RALGAPA2: variants seen among roughly 807,000 people sequenced by gnomAD.
RALGAPA2 encodes Ral GTPase activating protein catalytic subunit alpha 2, also known as ral GTPase-activating protein subunit alpha-2.
Under a neutral mutation model 230.4 loss-of-function variants are expected in RALGAPA2, and 139 were observed. The observed-to-expected ratio is 0.60, with a 90% CI of 0.53 to 0.69. The LOEUF is 0.69. Ranked by LOEUF, RALGAPA2 falls within the 30% of genes least tolerant of loss-of-function variation. The pLI, the probability that RALGAPA2 is intolerant of heterozygous loss-of-function variation, is 0.00. For synonymous variants in RALGAPA2, 847 were observed against 837.8 expected (o/e 1.01, Z -0.19); for missense variants, 2,163 against 2,276.0 (o/e 0.95, Z 1.01).
chr20:20,670,158 T>C (rs2068085855), intron 3 of RALGAPA2, among the ~76,000 whole-genome samples: 1 of 152,224 alleles, frequency 6.6e-6, no homozygotes, highest in South Asian at 2.1e-4. Context: ...TGCTCATTGT[T>C]GTATCTCCAG....
At chr20:20,599,238 T>C (rs914007301) in intron 16 of RALGAPA2, among the ~76,000 whole-genome samples, 1 of 152,216 alleles carries the variant, frequency 6.6e-6, no homozygotes, top group Non-Finnish European at 1.5e-5. Context: ...GAGCTGACTG[T>C]ATTCAAAAGC....
At chr20:20,583,313 A>T in intron 19 of RALGAPA2, 87 bp from the exon 20 acceptor site, 2 of 1,346,584 alleles carry the variant, frequency 1.5e-6, no homozygotes, top group Non-Finnish European at 2.0e-6. Context: ...GTAACTAAAC[A>T]AACAGCAGAC....
rs2123029533 is a variant in RALGAPA2, at chr20:20,437,588, CACACACACGATGTG to C, written c.5496-25454_5496-25441del. On this transcript the variant is annotated intron_variant, in intron 37 of 39. Coordinates refer to ENST00000202677, the MANE Select transcript of RALGAPA2 (RefSeq NM_020343.4). This position sits in a 1 kb window ranked among gnomAD's most constrained non-coding sequence, Gnocchi z 4.1. ...GTGGTGTGGAGCCCTTCCCACACTTCACACACACGATGTGTGTGTGCTGTGCCCTCTGCCTGGGA... is the reference window on the plus strand; with the variant it reads ...GTGGTGTGGAGCCCTTCCCACACTTCTGTGTGCTGTGCCCTCTGCCTGGGA... Among the ~76,000 whole-genome samples the C allele has an allele frequency of 6.6e-6, 1 of 152,304 alleles. No individual in the cohort carries two copies. Among genetic ancestry groups the C allele is most frequent in the South Asian group, 2.1e-4 (1 of 4,828 alleles).
intron 37 of RALGAPA2, 187 bp downstream of exon 37, chr20:20,472,642 T>A (rs2061565133): frequency 2.1e-6 from 1 of 479,340 alleles, no homozygotes; most frequent in Non-Finnish European, 3.4e-6. Context: ...TAATGCAGCA[T>A]AAAATTATTA....
intron 19 of RALGAPA2, among the ~76,000 whole-genome samples, chr20:20,583,690 G>T (rs962817789): frequency 6.6e-6 from 1 of 152,126 alleles, no homozygotes; most frequent in Admixed American, 6.6e-5. Flanking sequence ...CTCATTCAGG[G>T]TCATCTGGGG....
rs751460705 is a variant in RALGAPA2 at position 20,637,381 on chromosome 20, T to C, written c.787A>G (p.Ile263Val). The C allele has an allele frequency of 7.5e-6, 12 of 1,600,686 alleles. No individual in the cohort carries two copies. The highest frequency in any genetic ancestry group is 2.7e-5 in the African/African-American group (2 of 74,672). ...TACTTACCAAGTACAGGTTTGTAGA[T>C]GTTTGTTAACTTAGTAAATGATGGA... is the stretch of plus-strand genomic sequence containing the variant. The part of the protein sequence containing the change: ...LFPSFTKLTN[I>V]YKPVLDIPHL... The change falls in exon 8 of 40, where the codon ATC (isoleucine) becomes GTC (valine). Residue 263 changes from isoleucine to valine, a missense_variant. By Grantham distance (29) the Ile-to-Val change is conservative. Transcript: ENST00000202677.
chr20:20,642,229 G>A (rs1244149805), intron 5 of RALGAPA2, among the ~76,000 whole-genome samples: 2 of 151,582 alleles, frequency 1.3e-5, no homozygotes, highest in Non-Finnish European at 2.9e-5. Context: ...CAGGGGTCGG[G>A]GGATGGAGTT....
chr20:20,525,590 A>G (rs1281634811), intron 28 of RALGAPA2, among the ~76,000 whole-genome samples: 1 of 152,208 alleles, frequency 6.6e-6, no homozygotes. Flanking sequence ...TTACCACTGG[A>G]TGTATAAGAA....
At chr20:20,562,504 G>A (rs2064288259) in intron 23 of RALGAPA2, among the ~76,000 whole-genome samples, 1 of 152,116 alleles carries the variant, frequency 6.6e-6, no homozygotes. Context: ...TGTCTTATTA[G>A]ATACCGGAAG....
chr20:20,706,685 CAT>C (rs1415614436), intron 1 of RALGAPA2, among the ~76,000 whole-genome samples: 1 of 152,166 alleles, frequency 6.6e-6, no homozygotes, highest in Non-Finnish European at 1.5e-5. Context: ...TTCTGGGAGG[CAT>C]GCAAAAACTG....
In RALGAPA2 at chr20:20,643,811, C is replaced by T. The variant is rs1240681642; in HGVS notation, c.329-262G>A. Among the ~76,000 whole-genome samples, 4 of 151,500 alleles carry T rather than the reference C, an allele frequency of 2.6e-5. No homozygotes were observed. In the South Asian group the frequency reaches 8.4e-4, roughly 32 times the overall value. ...AGCCAAATGCCCACAGTGGATTATGCGCATATATCTCTTGTCATGCATAAA... is the reference window on the plus strand; with the variant it reads ...AGCCAAATGCCCACAGTGGATTATGTGCATATATCTCTTGTCATGCATAAA... On this transcript the variant is annotated intron_variant, in intron 4 of 39. Coordinates refer to ENST00000202677, the MANE Select transcript of RALGAPA2 (RefSeq NM_020343.4).
rs749606653 is a variant in RALGAPA2 at position 20,513,302 on chromosome 20, G to A, written c.4085-18C>T. On this transcript the variant is annotated intron_variant, in intron 31 of 39. Coordinates refer to ENST00000202677, the MANE Select transcript of RALGAPA2 (RefSeq NM_020343.4). ...CTTCTTCTCTGTAAACAGCGGTAAA[G>A]AAACATAAAGAGTCAGTGGTGAATG... The A allele has an allele frequency of 1.3e-5, 17 of 1,351,932 alleles. No homozygotes were observed. The highest frequency in any genetic ancestry group is 1.2e-4 in the South Asian group (5 of 43,348). The allele number at this position is 1,351,932 out of a possible 1,614,324, so 83.7% of individuals were successfully genotyped here.
intron 1 of RALGAPA2, among the ~76,000 whole-genome samples, chr20:20,699,927 C>G (rs2069274974): frequency 6.6e-6 from 1 of 152,094 alleles, no homozygotes. Flanking sequence ...AACAGAGTTA[C>G]CATTTGACCC....
chr20:20,531,654 T>G lies in RALGAPA2; in HGVS notation c.3582+33A>C, dbSNP rs772171195. 7 of 1,491,450 alleles carry G rather than the reference T, an allele frequency of 4.7e-6. No homozygotes were observed. In the South Asian group the frequency reaches 8.3e-5, roughly 18 times the overall value. 92.4% of individuals were successfully genotyped at this position (1,491,450 alleles called of 1,614,324 possible). ...ACTGTTAAATGCCTCAGATATGGCT[T>G]AATATCCAATCAGCACCACAAACTG... On this transcript the variant is annotated intron_variant, in intron 27 of 39. Coordinates refer to ENST00000202677, the MANE Select transcript of RALGAPA2 (RefSeq NM_020343.4).
At chr20:20,583,255 G>C in intron 19 of RALGAPA2, 29 bp from the exon 20 acceptor site, 2 of 1,562,362 alleles carry the variant, frequency 1.3e-6, no homozygotes, top group Non-Finnish European at 1.7e-6. Context: ...CAAAGTTTAA[G>C]ATAAAAAATA....
chr20:20,494,892 G>C (rs1394219882), intron 36 of RALGAPA2, among the ~76,000 whole-genome samples: 1 of 152,032 alleles, frequency 6.6e-6, no homozygotes, highest in African/African-American at 2.4e-5. Context: ...TTTCCAAAGA[G>C]GCCTAGTAAT....
chr20:20,545,020 T>TA (rs1357273791), intron 24 of RALGAPA2, among the ~76,000 whole-genome samples: 2 of 152,240 alleles, frequency 1.3e-5, no homozygotes, highest in African/African-American at 4.8e-5. Context: ...AAGTATAATT[T>TA]AAAAAAATGA....
At chr20:20,620,905 G>T (rs1480568478) in intron 10 of RALGAPA2, among the ~76,000 whole-genome samples, 1 of 152,188 alleles carries the variant, frequency 6.6e-6, no homozygotes, top group Non-Finnish European at 1.5e-5. Flanking sequence ...CACTTTGGGA[G>T]GCCAAGGCAG....
At chr20:20,589,392 C>T (rs369156987) in intron 17 of RALGAPA2, 27 bp from the exon 18 acceptor site, 49 of 1,551,818 alleles carry the variant, frequency 3.2e-5, no homozygotes, top group South Asian at 3.6e-5. Context: ...AGGGGGGTAG[C>T]GGAAATAGAA....
Sources: gnomAD v4.1 joint callset for allele counts (sites outside exome capture counted in the v4.1 genomes callset) on GRCh38, gnomAD v4.1.1 for gene constraint, Gnocchi (gnomAD v3.1) non-coding constraint, MANE v1.5 for transcripts, NCBI Gene and HGNC (gene_info 2026-07-23, HGNC 2026-07-21) for gene names.